The following AKAP13 variants were observed in gnomAD, a reference collection of about 807,000 sequenced individuals.
AKAP13 encodes the protein A-kinase anchoring protein 13, also known as A-kinase anchor protein 13.
A neutral mutation model predicts 264.5 loss-of-function variants in AKAP13; 80 were observed. The observed-to-expected ratio is 0.30, with a 90% CI of 0.25 to 0.36. AKAP13 has a LOEUF of 0.36. Ranked by LOEUF, AKAP13 falls within the 10% of genes least tolerant of loss-of-function variation. AKAP13 has a pLI of 1.00. For synonymous variants in AKAP13, 1,380 were observed against 1,250.2 expected, an observed-to-expected ratio of 1.10 and a Z score of -2.19; for missense variants, 3,712 against 3,435.2, an observed-to-expected ratio of 1.08 and a Z score of -2.01.
At chr15:85,634,300 T>C (rs1224394429) in intron 8 of AKAP13, among the ~76,000 whole-genome samples, 1 of 152,248 alleles carries the variant, frequency 6.6e-6, no homozygotes, top group Non-Finnish European at 1.5e-5. Context: ...TTGATCTTTG[T>C]CAGCAGAAGA....
At chr15:85,567,941 G>GTGT (rs2078663390) in intron 5 of AKAP13, among the ~76,000 whole-genome samples, 1 of 141,828 alleles carries the variant, frequency 7.1e-6, no homozygotes, top group Non-Finnish European at 1.5e-5. Flanking sequence ...AGCCCAAAGA[G>GTGT]GTGTGTGTGT....
rs116682504 is a variant in AKAP13 at position 85,620,203 on chromosome 15, A to G, written c.4162-19171A>G. On this transcript the variant is annotated intron_variant, in intron 8 of 36. Coordinates refer to ENST00000394518, the MANE Select transcript of AKAP13 (RefSeq NM_007200.5). ...GGGGGCTGCACCTCATGCATTCTGA[A>G]GCTCTGCAGGCTGTTTTAGCGCTTT... 2,677 of 1,533,104 alleles carry G rather than the reference A, an allele frequency of 1.7e-3. 38 individuals carry two copies. The African/African-American group carries it at 0.032, about 18-fold the overall frequency. 95.0% of individuals were successfully genotyped at this position (1,533,104 alleles called of 1,614,324 possible).
chr15:85,391,985 A>G (rs189525403), intron 1 of AKAP13, among the ~76,000 whole-genome samples: 2 of 151,526 alleles, frequency 1.3e-5, no homozygotes, highest in East Asian at 3.9e-4. Flanking sequence ...AGGTTTCACC[A>G]TGTTGGCCAG....
chr15:85,688,868 T>C (rs767674631), intron 16 of AKAP13, among the ~76,000 whole-genome samples: 7 of 152,178 alleles, frequency 4.6e-5, no homozygotes, highest in Non-Finnish European at 8.8e-5. Context: ...AGACTGGCAG[T>C]TTCTGCTTTT....
At chr15:85,700,606 G>A (rs8025135) in intron 17 of AKAP13, among the ~76,000 whole-genome samples, 129,746 of 152,224 alleles carry the variant, frequency 0.85, 55,581 homozygotes, top group African/African-American at 0.91. Flanking sequence ...TGGATAGGGC[G>A]GTAGCTTTCA....
intron 5 of AKAP13, among the ~76,000 whole-genome samples, chr15:85,571,232 T>C (rs533145694): frequency 1.3e-5 from 2 of 151,666 alleles, no homozygotes; most frequent in African/African-American, 4.8e-5. Context: ...GCTGATACTT[T>C]TTATATTTGT....
intron 1 of AKAP13, among the ~76,000 whole-genome samples, chr15:85,449,739 G>A (rs1031767054): frequency 2.0e-5 from 3 of 152,112 alleles, no homozygotes; most frequent in African/African-American, 4.8e-5. Context: ...TTTGTATGTT[G>A]AACCAACTTG....
intron 5 of AKAP13, among the ~76,000 whole-genome samples, chr15:85,563,133 A>G (rs75012417): frequency 6.4e-4 from 97 of 152,128 alleles, no homozygotes; most frequent in African/African-American, 2.1e-3. Context: ...CTTTTCCCAT[A>G]CCACACTATG....
At chr15:85,423,068 A>G (rs1332905804) in intron 1 of AKAP13, among the ~76,000 whole-genome samples, 1 of 152,246 alleles carries the variant, frequency 6.6e-6, no homozygotes, top group Non-Finnish European at 1.5e-5. Context: ...TTGCTAAAAA[A>G]TGCTAACAAT....
chr15:85,736,224 T>G, intron 33 of AKAP13, 90 bp downstream of exon 33: 1 of 1,169,670 alleles, frequency 8.5e-7, no homozygotes, highest in Non-Finnish European at 1.2e-6. Context: ...TTTTTTCTTT[T>G]TGCTGTTACA....
intron 3 of AKAP13, among the ~76,000 whole-genome samples, chr15:85,529,463 C>T (rs1334244767): frequency 6.6e-6 from 1 of 152,144 alleles, no homozygotes; most frequent in East Asian, 1.9e-4. Context: ...TCTTTATGTA[C>T]AAAGGTAGTC....
chr15:85,726,913 A>C, intron 27 of AKAP13, 153 bp from the exon 28 acceptor site: 1 of 762,758 alleles, frequency 1.3e-6, no homozygotes, highest in South Asian at 2.0e-5. Flanking sequence ...TCTGAATGAA[A>C]TAAGGAGATA....
In AKAP13 at chr15:85,655,620, G is replaced by A. The variant is rs948219423; in HGVS notation, c.4578G>A (p.Glu1526=). 6.2e-7 allele frequency: 1 copy of A among 1,614,240 alleles called. No homozygotes were observed. ...MGAEGRESES[E]PADPGDVEEE... is the part of the protein sequence containing the mutation. Reference sequence around the variant, plus strand: ...CTGAGGGTCGAGAAAGTGAGAGTGAGCCTGCTGACCCAGGCGACGTGGAGG... The same window carrying A: ...CTGAGGGTCGAGAAAGTGAGAGTGAACCTGCTGACCCAGGCGACGTGGAGG... The change falls in exon 11 of 37, where the codon GAG becomes GAA. Residue 1526 remains glutamate (E), a synonymous_variant. Transcript: ENST00000394518.
At chr15:85,668,229 T>A (rs1364064279) in intron 13 of AKAP13, among the ~76,000 whole-genome samples, 1 of 152,220 alleles carries the variant, frequency 6.6e-6, no homozygotes, top group Non-Finnish European at 1.5e-5. Context: ...CTCTAAATAA[T>A]CAGAAGTCTG....
At chr15:85,440,182 C>G (rs2073573220) in intron 1 of AKAP13, among the ~76,000 whole-genome samples, 1 of 152,142 alleles carries the variant, frequency 6.6e-6, no homozygotes, top group Admixed American at 6.5e-5. Flanking sequence ...CTCTGCCCTT[C>G]CCTTCCTCTA....
intron 2 of AKAP13, among the ~76,000 whole-genome samples, chr15:85,495,664 T>C (rs1343755905): frequency 6.6e-6 from 1 of 152,166 alleles, no homozygotes. Flanking sequence ...TATGGGATAA[T>C]AATCATTACC....
At chr15:85,521,822 T>TA (rs1206575619) in intron 3 of AKAP13, among the ~76,000 whole-genome samples, 7 of 152,214 alleles carry the variant, frequency 4.6e-5, no homozygotes, top group African/African-American at 1.7e-4. Flanking sequence ...AATTATAACT[T>TA]ATTTAAGAAC....
chr15:85,748,134 C>A lies in AKAP13; in HGVS notation c.*3457C>A, dbSNP rs1452812541. ...TAGGGCTCTTTTTCTGTAGCCAGGT[C>A]TTCCCAAGGATTTTAGTATTTGCAT... On this transcript the variant is annotated 3_prime_UTR_variant, in exon 37 of 37. Coordinates refer to ENST00000394518, the MANE Select transcript of AKAP13 (RefSeq NM_007200.5). The A allele has an allele frequency of 6.6e-6, 1 of 152,204 alleles. No homozygotes were observed. The highest frequency in any genetic ancestry group is 1.9e-4 in the East Asian group (1 of 5,198). The allele number at this position is 152,204 out of a possible 1,614,324, so 9.4% of individuals were successfully genotyped here.
At chr15:85,676,881 G>T (rs921457789) in intron 14 of AKAP13, 3 of 939,364 alleles carry the variant, frequency 3.2e-6, no homozygotes, top group Non-Finnish European at 3.8e-6. Flanking sequence ...TCCCGGAACC[G>T]CATAGGCCAT....
Sources: gnomAD v4.1 joint callset for allele counts (sites outside exome capture counted in the v4.1 genomes callset) on GRCh38, gnomAD v4.1.1 for gene constraint, MANE v1.5 for transcripts, NCBI Gene and HGNC (gene_info 2026-07-23, HGNC 2026-07-21) for gene names.